Variants in NTNG1 observed in about 807,000 individuals in gnomAD.
NTNG1 encodes netrin-G1.
Under a neutral mutation model 54.0 loss-of-function variants are expected in NTNG1, and 16 were observed. That is an observed-to-expected ratio of 0.30 (90% confidence interval 0.20 to 0.45). NTNG1 has a LOEUF of 0.45. Ranked by LOEUF, NTNG1 falls within the 20% of genes least tolerant of loss-of-function variation. The pLI is 1.00. For synonymous variants in NTNG1, 255 were observed against 263.1 expected, an observed-to-expected ratio of 0.97 and a Z score of 0.30; for missense variants, 530 against 678.7, an observed-to-expected ratio of 0.78 and a Z score of 2.43.
chr1:107,265,572 A>C (rs1342545028), intron 2 of NTNG1, among the ~76,000 whole-genome samples: 1 of 152,216 alleles, frequency 6.6e-6, no homozygotes, highest in African/African-American at 2.4e-5. Flanking sequence ...TCTAAAAAGC[A>C]ATGAGTTCTA....
chr1:107,172,490 T>C (rs1007368629), intron 2 of NTNG1, among the ~76,000 whole-genome samples: 13 of 152,166 alleles, frequency 8.5e-5, no homozygotes, highest in African/African-American at 3.1e-4. Context: ...AGTCCCACAA[T>C]TAGCAAAAAT....
At chr1:107,391,603 T>C (rs1260506445) in intron 3 of NTNG1, among the ~76,000 whole-genome samples, 2 of 152,156 alleles carry the variant, frequency 1.3e-5, no homozygotes, top group African/African-American at 4.8e-5. Flanking sequence ...GCGTGATGCC[T>C]GCATCTGCTC....
At chr1:107,250,580 A>T (rs1038308418) in intron 2 of NTNG1, among the ~76,000 whole-genome samples, 1 of 150,388 alleles carries the variant, frequency 6.6e-6, no homozygotes, top group African/African-American at 2.5e-5. Context: ...TAAAAAAAAT[A>T]AAAAAAATAA....
intron 2 of NTNG1, among the ~76,000 whole-genome samples, chr1:107,218,782 C>T (rs1211518184): frequency 2.6e-5 from 4 of 152,158 alleles, no homozygotes. Context: ...ATATAGGACC[C>T]CAGTCCCTTC....
At chr1:107,279,413 A>G (rs1664683505) in intron 2 of NTNG1, among the ~76,000 whole-genome samples, 1 of 152,156 alleles carries the variant, frequency 6.6e-6, no homozygotes, top group Non-Finnish European at 1.5e-5. Flanking sequence ...GAGCAAAATT[A>G]TTTAACAACT....
At chr1:107,335,698 G>GA (rs1162126955) in intron 3 of NTNG1, among the ~76,000 whole-genome samples, 2 of 151,342 alleles carry the variant, frequency 1.3e-5, no homozygotes, top group African/African-American at 2.4e-5. Flanking sequence ...TGTATCGTCA[G>GA]AAAAAAATAG....
intron 5 of NTNG1, among the ~76,000 whole-genome samples, chr1:107,417,682 G>A (rs1294737241): frequency 6.6e-6 from 1 of 152,044 alleles, no homozygotes; most frequent in Non-Finnish European, 1.5e-5. Flanking sequence ...GACCTGGGTG[G>A]TACCAAAGGA....
rs150453007 is a variant in NTNG1 at position 107,196,367 on chromosome 1, A to G, written c.246+47528A>G. 3.7e-3 allele frequency among the ~76,000 whole-genome samples: 557 copies of G among 152,124 alleles called. 2 individuals are homozygous for G. Among genetic ancestry groups the G allele is most frequent in the African/African-American group, 0.013 (538 of 41,536 alleles). On this transcript the variant is annotated intron_variant, in intron 2 of 7. Coordinates refer to ENST00000370068, the MANE Select transcript of NTNG1 (RefSeq NM_001113226.3). Reference sequence around the variant, plus strand: ...TATAATTAACATCTCACCTTACTATATGGAATAAATAATATAATGTATATA... The same window carrying G: ...TATAATTAACATCTCACCTTACTATGTGGAATAAATAATATAATGTATATA...
intron 2 of NTNG1, among the ~76,000 whole-genome samples, chr1:107,303,880 T>A (rs569693365): frequency 1.8e-3 from 280 of 152,020 alleles, no homozygotes; most frequent in South Asian, 3.3e-3. Flanking sequence ...ACAAACGGGG[T>A]TTCACCATGT....
chr1:107,474,938 G>A (rs1678214346), intron 7 of NTNG1, among the ~76,000 whole-genome samples: 1 of 152,200 alleles, frequency 6.6e-6, no homozygotes, highest in Non-Finnish European at 1.5e-5. Context: ...AGTCTCCTAT[G>A]TACAGGGGAA....
chr1:107,479,570 A>G (rs1678559392), intron 7 of NTNG1, among the ~76,000 whole-genome samples: 1 of 152,192 alleles, frequency 6.6e-6, no homozygotes, highest in Admixed American at 6.5e-5. Flanking sequence ...TCTATATATT[A>G]AATGCTTAAG....
At chr1:107,268,082 C>T (rs1288269613) in intron 2 of NTNG1, among the ~76,000 whole-genome samples, 2 of 152,194 alleles carry the variant, frequency 1.3e-5, no homozygotes, top group Admixed American at 1.3e-4. Context: ...TATCATTTCT[C>T]TTTTATAACA....
chr1:107,269,048 C>T (rs1393382407), intron 2 of NTNG1, among the ~76,000 whole-genome samples: 1 of 152,172 alleles, frequency 6.6e-6, no homozygotes, highest in African/African-American at 2.4e-5. Flanking sequence ...TAAGGCATGC[C>T]ATGTCACTCC....
At chr1:107,402,283 C>T (rs1002378862) in intron 4 of NTNG1, among the ~76,000 whole-genome samples, 4 of 152,250 alleles carry the variant, frequency 2.6e-5, no homozygotes, top group Non-Finnish European at 4.4e-5. Context: ...GCTGAAACAT[C>T]CTGACCCATC....
chr1:107,436,880 C>G, intron 7 of NTNG1, 81 bp downstream of exon 7: 1 of 1,327,568 alleles, frequency 7.5e-7, no homozygotes, highest in Admixed American at 2.0e-5. Flanking sequence ...TGCAGCTTCT[C>G]AGAGCAGAAA....
chr1:107,392,318 G>A (rs1055283769), intron 3 of NTNG1, among the ~76,000 whole-genome samples: 1 of 152,050 alleles, frequency 6.6e-6, no homozygotes, highest in African/African-American at 2.4e-5. Context: ...TATTTGGGGT[G>A]GGGAAGATGA....
chr1:107,452,557 A>G (rs917692520), intron 7 of NTNG1, among the ~76,000 whole-genome samples: 1 of 152,128 alleles, frequency 6.6e-6, no homozygotes, highest in Non-Finnish European at 1.5e-5. Context: ...TCCCTCATGA[A>G]TGGCTACTAG....
At chr1:107,267,015 A>G (rs1663788485) in intron 2 of NTNG1, among the ~76,000 whole-genome samples, 1 of 152,232 alleles carries the variant, frequency 6.6e-6, no homozygotes, top group Admixed American at 6.5e-5. Context: ...TGGAAACTAC[A>G]GTCTCACTAT....
chr1:107,430,182 G>A (rs1675169448), intron 5 of NTNG1, among the ~76,000 whole-genome samples: 1 of 152,036 alleles, frequency 6.6e-6, no homozygotes, highest in Non-Finnish European at 1.5e-5. Context: ...TCTTAGCATT[G>A]GGGAAAAACA....
Sources: allele counts gnomAD v4.1 joint callset (sites outside exome capture counted in the v4.1 genomes callset), GRCh38; gene constraint gnomAD v4.1.1; transcripts MANE v1.5; gene names NCBI Gene and HGNC (gene_info 2026-07-23, HGNC 2026-07-21).